Variants in DST observed in about 807,000 individuals in gnomAD.
The protein encoded by DST is dystonin.
In DST, 253 loss-of-function variants were observed where a neutral mutation model predicts 875.2. The ratio of observed to expected loss-of-function variants is 0.29; its 90% CI spans 0.26 to 0.32. The LOEUF is 0.32. Ranked by LOEUF, DST falls within the 10% of genes least tolerant of loss-of-function variation. The pLI, the probability that DST is intolerant of heterozygous loss-of-function variation, is 1.00. For synonymous variants in DST, 3,124 were observed against 3,197.1 expected, an observed-to-expected ratio of 0.98 and a Z score of 0.77; for missense variants, 8,287 against 9,111.6, an observed-to-expected ratio of 0.91 and a Z score of 3.68.
intron 98 of DST, chr6:56,467,191 A>G (rs896887629): frequency 6.6e-6 from 1 of 152,200 alleles, no homozygotes; most frequent in Non-Finnish European, 1.5e-5. Context: ...AATTAAACAT[A>G]AATGGCTTCT....
At chr6:56,898,102 C>G (rs1184499154) in intron 3 of DST, among the ~76,000 whole-genome samples, 1 of 149,464 alleles carries the variant, frequency 6.7e-6, no homozygotes, top group African/African-American at 2.6e-5. Flanking sequence ...CCTGCAGATA[C>G]ACAGAGCAGG....
chr6:56,752,613 T>A (rs2099590797), intron 4 of DST, among the ~76,000 whole-genome samples: 1 of 152,182 alleles, frequency 6.6e-6, no homozygotes, highest in South Asian at 2.1e-4. Context: ...CTCAGCATAA[T>A]ACATTTGGGA....
Position 56,643,031 on chromosome 6 carries a change from G to A in DST, c.1779-528C>T, listed in dbSNP as rs202124984. 2.2e-5 allele frequency: 18 copies of A among 827,356 alleles called. No homozygotes were observed. The Admixed American group carries it at 5.6e-4, about 26-fold the overall frequency. 51.3% of individuals were successfully genotyped at this position (827,356 alleles called of 1,614,324 possible). ...AGCTGAGGTTTGCCTTTTGTAGCTT[G>A]TATTAAAACCCTACAAGTATGAACA... is the stretch of plus-strand genomic sequence containing the variant. On this transcript the variant is annotated intron_variant, in intron 15 of 103. Transcript: ENST00000680361.
At chr6:56,722,731 A>G (rs1435670501) in intron 5 of DST, among the ~76,000 whole-genome samples, 2 of 152,244 alleles carry the variant, frequency 1.3e-5, no homozygotes, top group Non-Finnish European at 2.9e-5. Context: ...AGTTAAGACT[A>G]CAGGAATTAT....
intron 69 of DST, among the ~76,000 whole-genome samples, chr6:56,518,458 T>C (rs911528867): frequency 8.0e-5 from 11 of 136,770 alleles, no homozygotes; most frequent in African/African-American, 2.9e-4. Context: ...ACATTTCCCA[T>C]GTCATACTCC....
intron 36 of DST, chr6:56,618,407 C>T (rs2098651094): frequency 1.2e-6 from 2 of 1,614,168 alleles, no homozygotes; most frequent in Non-Finnish European, 1.7e-6. Context: ...TTTGAAGGTA[C>T]AGTCTTTGGC....
chr6:56,696,056 TG>T lies in DST; in HGVS notation c.1047+3596del, dbSNP rs1588749926. ...GATGTGTTCCATTCCAAATAGATTT[TG>T]GTCTAATTTATGAATATTGGTGATA... On this transcript the variant is annotated intron_variant, in intron 9 of 103. Coordinates refer to ENST00000680361, the MANE Select transcript of DST (RefSeq NM_001374736.1). Among the ~76,000 whole-genome samples the T allele has an allele frequency of 2.0e-5, 3 of 152,372 alleles. No homozygotes were observed. In the East Asian group the frequency reaches 5.8e-4, roughly 29 times the overall value.
intron 20 of DST, 21 bp from the exon 21 acceptor site, chr6:56,639,632 A>G: frequency 1.9e-6 from 3 of 1,613,770 alleles, no homozygotes; most frequent in South Asian, 1.1e-5. Context: ...GAAAATCATC[A>G]TAAGAATCAT....
chr6:56,633,211 T>C lies in DST; in HGVS notation c.3622-174A>G, dbSNP rs183573202. 5.4e-3 allele frequency among the ~76,000 whole-genome samples: 820 copies of C among 151,478 alleles called. 14 individuals are homozygous for C. Among genetic ancestry groups the C allele is most frequent in the African/African-American group, 0.019 (795 of 40,782 alleles). ...TTTTAGGTGGTTTTTTTTTGTTTTT[T>C]GTTTTGAGACGGAGTTTCACTCTTT... On this transcript the variant is annotated intron_variant, in intron 27 of 103. Transcript: ENST00000680361.
rs372093548 is a variant in DST, at chr6:56,846,213, G to A, written c.625+5184C>T. Among the ~76,000 whole-genome samples, 24 of 152,318 alleles carry A rather than the reference G, an allele frequency of 1.6e-4. 1 individual carries two copies. In the East Asian group the frequency reaches 3.7e-3, roughly 23 times the overall value. On this transcript the variant is annotated intron_variant, in intron 4 of 103. Transcript: ENST00000680361. ...TTTATAAAGCATTTGATGTGCCAAG[G>A]AGGTAGCAGAATTGTTTGCATTCAC...
At chr6:56,954,118 C>G (rs1388916029) in intron 1 of DST, among the ~76,000 whole-genome samples, 9 of 152,210 alleles carry the variant, frequency 5.9e-5, no homozygotes, top group African/African-American at 2.2e-4. Context: ...GGCGCAGCCC[C>G]GGACTACGCT....
At chr6:56,728,546 C>G (rs952924037) in intron 5 of DST, among the ~76,000 whole-genome samples, 8 of 152,060 alleles carry the variant, frequency 5.3e-5, no homozygotes, top group Non-Finnish European at 1.0e-4. Flanking sequence ...CATGGTGGCT[C>G]ATGCCTGTAA....
chr6:56,859,743 G>A (rs1769992757), intron 3 of DST, among the ~76,000 whole-genome samples: 2 of 152,180 alleles, frequency 1.3e-5, no homozygotes, highest in Non-Finnish European at 1.5e-5. Context: ...GAGAGCAGAA[G>A]TGACAAAATC....
intron 5 of DST, among the ~76,000 whole-genome samples, chr6:56,727,327 C>G (rs746901805): frequency 1.3e-5 from 2 of 152,144 alleles, no homozygotes; most frequent in Non-Finnish European, 2.9e-5. Flanking sequence ...GCCCGGACCA[C>G]GTTGGGCACA....
chr6:56,953,189 G>A (rs1823244181), intron 2 of DST, among the ~76,000 whole-genome samples: 1 of 152,206 alleles, frequency 6.6e-6, no homozygotes, highest in African/African-American at 2.4e-5. Context: ...TGTTTCTTCA[G>A]TGGAGCTGGT....
intron 3 of DST, among the ~76,000 whole-genome samples, chr6:56,875,620 C>T (rs13205022): frequency 0.12 from 18,736 of 152,148 alleles, 1,523 homozygotes; most frequent in Middle Eastern, 0.2. Flanking sequence ...CTTTGAAGAG[C>T]TCATGGACCC....
At chr6:56,517,373 G>A in intron 70 of DST, 68 bp from the exon 71 acceptor site, 1 of 1,576,658 alleles carries the variant, frequency 6.3e-7, no homozygotes, top group Non-Finnish European at 8.7e-7. Flanking sequence ...AAAACAATTA[G>A]GCTAAGTAGT....
At chr6:56,546,349 T>TAC (rs2097221312) in intron 61 of DST, among the ~76,000 whole-genome samples, 1 of 12,540 alleles carries the variant, frequency 8.0e-5, no homozygotes, top group South Asian at 2.3e-3. Context: ...ACATATTTCA[T>TAC]ATATATATAT....
At chr6:56,710,095 A>G (rs1447974255) in intron 5 of DST, among the ~76,000 whole-genome samples, 2 of 152,220 alleles carry the variant, frequency 1.3e-5, no homozygotes, top group Non-Finnish European at 2.9e-5. Flanking sequence ...TCTGACCAAT[A>G]TAAAAGCTTC....
Sources: gnomAD v4.1 joint callset for allele counts (sites outside exome capture counted in the v4.1 genomes callset) on GRCh38, gnomAD v4.1.1 for gene constraint, MANE v1.5 for transcripts, NCBI Gene and HGNC (gene_info 2026-07-23, HGNC 2026-07-21) for gene names.